Variants in TAF3 observed in about 807,000 individuals in gnomAD.
The protein encoded by TAF3 is TATA-box binding protein associated factor 3.
Under a neutral mutation model 80.6 loss-of-function variants are expected in TAF3, and 7 were observed. That is an observed-to-expected ratio of 0.09 (90% CI 0.05 to 0.16). The LOEUF is 0.16. Ranked by LOEUF, TAF3 falls within the 10% of genes least tolerant of loss-of-function variation. The pLI is 1.00. For missense variants in TAF3, 921 were observed against 1,140.2 expected (o/e 0.81, Z 2.77); for synonymous variants, 444 against 446.1 (o/e 1.00, Z 0.06).
chr10:7,924,725 C>T lies in TAF3; in HGVS notation c.410-39195C>T, dbSNP rs144413605. On this transcript the variant is annotated intron_variant, in intron 2 of 6. Transcript: ENST00000344293. Reference sequence around the variant, plus strand: ...TGAAAAAGAAAAACGCTCATAATCTCACCACCCCAACAGAACACTATCTGT... The same window carrying T: ...TGAAAAAGAAAAACGCTCATAATCTTACCACCCCAACAGAACACTATCTGT... Among the ~76,000 whole-genome samples, 566 of 151,586 alleles carry T rather than the reference C, an allele frequency of 3.7e-3. 4 individuals are homozygous for T. Among genetic ancestry groups the T allele is most frequent in the South Asian group, 0.02 (97 of 4,812 alleles).
chr10:7,926,119 A>C (rs1227219485), intron 2 of TAF3, among the ~76,000 whole-genome samples: 2 of 152,230 alleles, frequency 1.3e-5, no homozygotes, highest in Non-Finnish European at 2.9e-5. Flanking sequence ...ATCTTTAAAA[A>C]AATTAACTTT....
At chr10:8,008,200 G>A (rs1259521506) in intron 4 of TAF3, among the ~76,000 whole-genome samples, 2 of 149,926 alleles carry the variant, frequency 1.3e-5, no homozygotes, top group Non-Finnish European at 3.0e-5. Flanking sequence ...GGGTTCAAGC[G>A]ATTCTCCTGC....
intron 4 of TAF3, among the ~76,000 whole-genome samples, chr10:7,979,336 T>G (rs1831702461): frequency 1.4e-5 from 2 of 145,086 alleles, no homozygotes; most frequent in Non-Finnish European, 1.5e-5. Context: ...AGAACAAGTC[T>G]CTGTCTCAAA....
chr10:7,868,323 T>C (rs1213564679), intron 2 of TAF3, among the ~76,000 whole-genome samples: 4 of 151,786 alleles, frequency 2.6e-5, no homozygotes, highest in African/African-American at 7.3e-5. Context: ...GCTCTGGTGA[T>C]TCAGGAGTGG....
chr10:7,969,478 G>T (rs1430426538), intron 3 of TAF3, among the ~76,000 whole-genome samples: 1 of 152,124 alleles, frequency 6.6e-6, no homozygotes. Context: ...TTCTGTGTGG[G>T]TTGGTGTATA....
At chr10:7,973,427 T>TA (rs1831639749) in intron 3 of TAF3, among the ~76,000 whole-genome samples, 2 of 152,226 alleles carry the variant, frequency 1.3e-5, no homozygotes, top group East Asian at 1.9e-4. Flanking sequence ...CTAAAATTGT[T>TA]AGAGTTGAAG....
At chr10:7,994,171 C>T (rs1317119141) in intron 4 of TAF3, among the ~76,000 whole-genome samples, 1 of 151,720 alleles carries the variant, frequency 6.6e-6, no homozygotes, top group African/African-American at 2.4e-5. Context: ...CTTCATGTTG[C>T]CTACTGGGTT....
intron 2 of TAF3, among the ~76,000 whole-genome samples, chr10:7,928,582 A>T (rs1282857045): frequency 6.6e-6 from 1 of 152,210 alleles, no homozygotes; most frequent in Non-Finnish European, 1.5e-5. Flanking sequence ...TAGGTGGGCC[A>T]GTGAAGCTTG....
intron 2 of TAF3, among the ~76,000 whole-genome samples, chr10:7,900,583 T>C (rs1837548867): frequency 6.6e-6 from 1 of 152,190 alleles, no homozygotes; most frequent in Admixed American, 6.5e-5. Flanking sequence ...GCCCCTATAA[T>C]GTGGGGCATG....
chr10:7,994,868 G>A (rs1340028094), intron 4 of TAF3, among the ~76,000 whole-genome samples: 32 of 150,322 alleles, frequency 2.1e-4, no homozygotes, highest in African/African-American at 5.9e-4. Context: ...CCAGCTACTC[G>A]GGAGGCTGAG....
intron 2 of TAF3, among the ~76,000 whole-genome samples, chr10:7,835,344 A>G (rs1212054272): frequency 2.0e-5 from 3 of 152,176 alleles, no homozygotes; most frequent in Admixed American, 2.0e-4. Flanking sequence ...AGCTTGCTTT[A>G]GAAGGAGATT....
chr10:7,991,739 T>A (rs1262363890), intron 4 of TAF3, among the ~76,000 whole-genome samples: 1 of 152,208 alleles, frequency 6.6e-6, no homozygotes, highest in African/African-American at 2.4e-5. Context: ...ATTTACAAAG[T>A]ACAATAAGAA....
At chr10:7,954,012 C>T (rs1838109822) in intron 2 of TAF3, among the ~76,000 whole-genome samples, 1 of 141,496 alleles carries the variant, frequency 7.1e-6, no homozygotes, top group African/African-American at 2.5e-5. Flanking sequence ...CTAGTTAACA[C>T]AGAGCTCTCC....
intron 2 of TAF3, among the ~76,000 whole-genome samples, chr10:7,881,353 A>G (rs1588536920): frequency 6.6e-6 from 1 of 152,188 alleles, no homozygotes; most frequent in African/African-American, 2.4e-5. Context: ...TCAATATCCT[A>G]GGTTCCTAAA....
Position 8,014,912 on chromosome 10 carries a change from T to G in TAF3, c.*161T>G. 1.7e-6 allele frequency: 1 copy of G among 601,172 alleles called. No individual in the cohort carries two copies. Among genetic ancestry groups the G allele is most frequent in the Non-Finnish European group, 2.8e-6 (1 of 352,580 alleles). 37.2% of individuals were successfully genotyped at this position (601,172 alleles called of 1,614,324 possible). A position where few individuals can be genotyped will look rare whatever the true frequency, so the allele number is the denominator to read the frequency against. On this transcript the variant is annotated 3_prime_UTR_variant, in exon 7 of 7. Coordinates refer to ENST00000344293, the MANE Select transcript of TAF3 (RefSeq NM_031923.4). The stretch of plus-strand genomic sequence containing the variant: ...TGGAACACACCGCGCACCTGGATTG[T>G]TCACTCCCGAGCCGCCTTGGCCTGT...
chr10:7,932,972 GC>G (rs1307943297), intron 2 of TAF3, among the ~76,000 whole-genome samples: 1 of 151,876 alleles, frequency 6.6e-6, no homozygotes, highest in East Asian at 1.9e-4. Context: ...GAACCTCTGT[GC>G]CCAGCCTGTG....
intron 2 of TAF3, among the ~76,000 whole-genome samples, chr10:7,827,409 G>A (rs11255388): frequency 0.076 from 11,489 of 152,162 alleles, 571 homozygotes; most frequent in Admixed American, 0.12. Flanking sequence ...GATGGCTTAT[G>A]CACTTTGGGA....
At chr10:8,000,369 G>A (rs903186557) in intron 4 of TAF3, among the ~76,000 whole-genome samples, 9 of 152,032 alleles carry the variant, frequency 5.9e-5, no homozygotes, top group Non-Finnish European at 1.3e-4. Context: ...CGCCTGTGTT[G>A]GCCTCCCAAA....
intron 1 of TAF3, among the ~76,000 whole-genome samples, chr10:7,821,882 A>C (rs370661066): frequency 6.6e-6 from 1 of 152,336 alleles, no homozygotes; most frequent in East Asian, 1.9e-4. Context: ...AAAGGTATAG[A>C]GTATTCCAGC....
Sources: allele counts gnomAD v4.1 joint callset (sites outside exome capture counted in the v4.1 genomes callset), GRCh38; gene constraint gnomAD v4.1.1; transcripts MANE v1.5; gene names NCBI Gene and HGNC (gene_info 2026-07-23, HGNC 2026-07-21).